The following SCAF4 variants were observed in gnomAD, a reference collection of about 807,000 sequenced individuals.
SCAF4 encodes the protein SR-related CTD associated factor 4.
In SCAF4, 25 loss-of-function variants were observed where a neutral mutation model predicts 129.8. The ratio of observed to expected loss-of-function variants is 0.19; its 90% CI spans 0.14 to 0.27. The LOEUF is 0.27. SCAF4 is among the 10% of genes least tolerant of loss of function. SCAF4 has a pLI of 1.00. For synonymous variants in SCAF4, 551 were observed against 497.7 expected, an observed-to-expected ratio of 1.11 and a Z score of -1.43; for missense variants, 1,246 against 1,457.1, an observed-to-expected ratio of 0.86 and a Z score of 2.36.
intron 4 of SCAF4, among the ~76,000 whole-genome samples, chr21:31,703,289 G>T (rs950185103): frequency 1.3e-5 from 2 of 152,036 alleles, no homozygotes; most frequent in African/African-American, 2.4e-5. Context: ...TAAAGATGAT[G>T]CGCCTTTCAT....
chr21:31,725,659 T>A (rs2051183976), intron 1 of SCAF4, among the ~76,000 whole-genome samples: 1 of 152,174 alleles, frequency 6.6e-6, no homozygotes, highest in Non-Finnish European at 1.5e-5. Context: ...TGGTTTGAGG[T>A]CAGAACTGTT....
intron 6 of SCAF4, 47 bp from the exon 7 acceptor site, chr21:31,701,218 T>C (rs371210356): frequency 1.2e-4 from 175 of 1,450,736 alleles, no homozygotes; most frequent in Middle Eastern, 1.8e-4. Flanking sequence ...AGTATAATCA[T>C]ACTATCAAAA....
chr21:31,681,678 G>A (rs1470949838), intron 19 of SCAF4, among the ~76,000 whole-genome samples: 1 of 152,110 alleles, frequency 6.6e-6, no homozygotes, highest in Non-Finnish European at 1.5e-5. Flanking sequence ...TGCGCATCAA[G>A]TAATTTTATA....
intron 4 of SCAF4, 137 bp from the exon 5 acceptor site, chr21:31,702,516 A>C (rs2050559254): frequency 1.3e-6 from 1 of 783,202 alleles, no homozygotes; most frequent in Admixed American, 3.1e-5. Context: ...AGGAAAAAAA[A>C]AAATCAGAAT....
At chr21:31,690,065 C>T (rs1010910410) in intron 15 of SCAF4, among the ~76,000 whole-genome samples, 15 of 152,184 alleles carry the variant, frequency 9.9e-5, no homozygotes, top group African/African-American at 3.4e-4. Flanking sequence ...ATCTCACTGT[C>T]AATCTGGCAT....
At chr21:31,689,857 C>T (rs573781934) in intron 15 of SCAF4, among the ~76,000 whole-genome samples, 21 of 151,750 alleles carry the variant, frequency 1.4e-4, no homozygotes, top group Non-Finnish European at 2.5e-4. Context: ...ATCACTGGAA[C>T]CCGGGAGGCA....
At chr21:31,697,467 A>C (rs546448978) in intron 7 of SCAF4, among the ~76,000 whole-genome samples, 9 of 152,288 alleles carry the variant, frequency 5.9e-5, no homozygotes, top group African/African-American at 2.2e-4. Flanking sequence ...CAATGTAGAT[A>C]GTTTCTTCTT....
chr21:31,685,850 T>C lies in SCAF4; in HGVS notation c.2044-117A>G, dbSNP rs1025862984. On this transcript the variant is annotated intron_variant, in intron 16 of 19. Transcript: ENST00000286835. ...TAGATGTTTCTTAATTTGTGCTTAT[T>C]AGACCAATTTATTAAATAACAGGTG... 15 of 930,918 alleles carry C rather than the reference T, an allele frequency of 1.6e-5. No individual in the cohort carries two copies. The African/African-American group carries it at 2.5e-4, about 16-fold the overall frequency. 57.7% of individuals were successfully genotyped at this position (930,918 alleles called of 1,614,324 possible).
At chr21:31,726,112 C>G (rs1028005660) in intron 1 of SCAF4, among the ~76,000 whole-genome samples, 4 of 151,074 alleles carry the variant, frequency 2.6e-5, no homozygotes, top group Non-Finnish European at 5.9e-5. Flanking sequence ...GTGGCGCGAT[C>G]TCGGCTCACT....
At chr21:31,718,780 TATTCAA>T (rs1434959225) in intron 1 of SCAF4, among the ~76,000 whole-genome samples, 3 of 152,240 alleles carry the variant, frequency 2.0e-5, no homozygotes, top group Non-Finnish European at 2.9e-5. Flanking sequence ...CCGCACATAA[TATTCAA>T]ATTCAAAATT....
At position 31,685,412 on chromosome 21, in the gene SCAF4, A is replaced by G. The variant is rs1346178988; in HGVS notation, c.2282T>C (p.Ile761Thr). 6.2e-7 allele frequency: 1 copy of G among 1,611,740 alleles called. No homozygotes were observed. The highest frequency in any genetic ancestry group is 1.3e-5 in the African/African-American group (1 of 74,844). ...VSIPPPHTPP[I>T]SIPNSTIAGI... ...AACATGCTTACAGTTTGGGATGCTT[A>G]TTGGTGGAGTGTGAGGAGGAGGAAT... Residue 761 changes from isoleucine (I) to threonine (T), a missense_variant, in exon 18 of 20, where the codon ATA becomes ACA. Coordinates refer to ENST00000286835, the MANE Select transcript of SCAF4 (RefSeq NM_020706.2).
intron 1 of SCAF4, among the ~76,000 whole-genome samples, chr21:31,728,316 C>A (rs904184753): frequency 6.6e-6 from 1 of 152,116 alleles, no homozygotes; most frequent in South Asian, 2.1e-4. Context: ...CATCCTTAAG[C>A]AACATTTCCC....
At chr21:31,694,097 CTGTT>C in intron 11 of SCAF4, 103 bp downstream of exon 11, 2 of 621,010 alleles carry the variant, frequency 3.2e-6, no homozygotes, top group Non-Finnish European at 5.6e-6. Context: ...AACATACCAA[CTGTT>C]ATTTTACTAA....
chr21:31,689,811 T>C (rs1033249071), intron 15 of SCAF4, among the ~76,000 whole-genome samples: 1 of 151,802 alleles, frequency 6.6e-6, no homozygotes, highest in African/African-American at 2.4e-5. Context: ...GGCACGCGCC[T>C]GTAGTCCCAG....
intron 1 of SCAF4, among the ~76,000 whole-genome samples, chr21:31,718,856 T>C (rs1319338588): frequency 6.6e-6 from 1 of 152,260 alleles, no homozygotes; most frequent in Non-Finnish European, 1.5e-5. Context: ...ACAATCTTGT[T>C]GACTTTTCTT....
Position 31,702,308 on chromosome 21 carries a change from A to C in SCAF4, c.393T>G (p.Leu131=). The change falls in exon 5 of 20, where the codon CTT becomes CTG. Residue 131 remains leucine (L), a synonymous_variant. Coordinates refer to ENST00000286835, the MANE Select transcript of SCAF4 (RefSeq NM_020706.2). ...TACTGGTTCCCGCTGCCATGTCCAA[A>C]AGAGGTTGAATAATTTCAATTTTGA... The part of the protein sequence containing the change: ...GVFKIEIIQP[L]LDMAAGTSNA... 1 of 1,614,152 alleles carries C rather than the reference A, an allele frequency of 6.2e-7. No individual in the cohort carries two copies.
chr21:31,699,901 A>G (rs1267898207), intron 7 of SCAF4, among the ~76,000 whole-genome samples: 2 of 152,198 alleles, frequency 1.3e-5, no homozygotes, highest in Non-Finnish European at 2.9e-5. Context: ...CTTCTTAAAC[A>G]TGCCTAAGAA....
intron 19 of SCAF4, among the ~76,000 whole-genome samples, chr21:31,675,956 G>A (rs1329023181): frequency 6.6e-6 from 1 of 152,174 alleles, no homozygotes; most frequent in Non-Finnish European, 1.5e-5. Context: ...TCCGGAGAAT[G>A]TGCATAAGGG....
chr21:31,691,946 TTAA>T lies in SCAF4; in HGVS notation c.1615-19_1615-17del. 7.6e-7 allele frequency: 1 copy of T among 1,323,482 alleles called. No homozygotes were observed. The highest frequency in any genetic ancestry group is 1.1e-6 in the Non-Finnish European group (1 of 938,660). The allele number at this position is 1,323,482 out of a possible 1,614,324, so 82.0% of individuals were successfully genotyped here. Reference sequence around the variant, plus strand: ...GAGGAATCATCTGCTCCAAAACATTTTAATATTATAAAAGATAACAAAATTGAA... The same window carrying T: ...GAGGAATCATCTGCTCCAAAACATTTTATTATAAAAGATAACAAAATTGAA... On this transcript the variant is annotated splice_polypyrimidine_tract_variant and intron_variant, in intron 13 of 19. Coordinates refer to ENST00000286835, the MANE Select transcript of SCAF4 (RefSeq NM_020706.2).
Sources: allele counts gnomAD v4.1 joint callset (sites outside exome capture counted in the v4.1 genomes callset), GRCh38; gene constraint gnomAD v4.1.1; transcripts MANE v1.5; gene names NCBI Gene and HGNC (gene_info 2026-07-23, HGNC 2026-07-21).